COA8: variants seen among roughly 807,000 people sequenced by gnomAD.
The protein encoded by COA8 is UPF0671 protein C14orf153.
COA8 carries 20 observed loss-of-function variants against 22.0 expected under a neutral mutation model. The ratio of observed to expected loss-of-function variants is 0.91; its 90% CI spans 0.64 to 1.32. The LOEUF (loss-of-function observed/expected upper bound fraction) is 1.32, where lower values mean the gene tolerates loss of function less well. Ranked by LOEUF, COA8 falls within the 40% of genes most tolerant of loss-of-function variation. The pLI is 0.00. For synonymous variants in COA8, 105 were observed against 79.9 expected (o/e 1.31, Z -1.68); for missense variants, 266 against 230.0 (o/e 1.16, Z -1.01).
rs369868322 is a variant in COA8 at position 103,572,662 on chromosome 14, G to A, written c.321+842G>A. Among the ~76,000 whole-genome samples, 38 of 152,032 alleles carry A rather than the reference G, an allele frequency of 2.5e-4. No homozygotes were observed. The East Asian group carries it at 4.6e-3, about 19-fold the overall frequency. The stretch of plus-strand genomic sequence containing the variant: ...CAAGAATTGCTTGAACCCAGGAGGC[G>A]GAGGTTGCAATGAGCCGAGAGCGCG... On this transcript the variant is annotated intron_variant, in intron 2 of 4. Coordinates refer to ENST00000409074, the MANE Select transcript of COA8 (RefSeq NM_001370595.2).
At chr14:103,573,548 T>TTTG (rs1566980350) in intron 2 of COA8, among the ~76,000 whole-genome samples, 1 of 151,882 alleles carries the variant, frequency 6.6e-6, no homozygotes, top group Admixed American at 6.6e-5. Flanking sequence ...GAGGGTTTTT[T>TTTG]TTGTTGTTGT....
chr14:103,569,767 G>A (rs993201980), intron 1 of COA8, among the ~76,000 whole-genome samples: 2 of 152,218 alleles, frequency 1.3e-5, no homozygotes, highest in East Asian at 1.9e-4. Flanking sequence ...TGGGGGAGAA[G>A]CCCATGAACA....
intron 3 of COA8, among the ~76,000 whole-genome samples, chr14:103,580,225 T>C (rs2142295691): frequency 6.6e-6 from 1 of 151,990 alleles, no homozygotes. Context: ...TACAGGCACA[T>C]GCCACCATGC....
intron 2 of COA8, 56 bp from the exon 3 acceptor site, chr14:103,574,051 A>C (rs1229348341): frequency 6.6e-7 from 1 of 1,514,428 alleles, no homozygotes; most frequent in East Asian, 2.4e-5. Context: ...AGAAAAATGG[A>C]AAGACAGAGA....
Position 103,563,155 on chromosome 14 carries a change from G to C in COA8, c.123+31G>C, listed in dbSNP as rs1346406962. The stretch of plus-strand genomic sequence containing the variant: ...CAGGGGCCTGGGGACATTGGGCCGG[G>C]AGGGGTGACCGGAAGGGAAGACAAA... On this transcript the variant is annotated intron_variant, in intron 1 of 4. Transcript: ENST00000409074. 16 of 1,539,772 alleles carry C rather than the reference G, an allele frequency of 1.0e-5. No homozygotes were observed. In the Admixed American group the frequency reaches 2.9e-4, roughly 28 times the overall value.
chr14:103,571,580 A>C, intron 1 of COA8, 43 bp from the exon 2 acceptor site: 1 of 1,484,222 alleles, frequency 6.7e-7, no homozygotes, highest in Non-Finnish European at 9.4e-7. Context: ...ATAATACTAG[A>C]GATTCATTTT....
intron 1 of COA8, among the ~76,000 whole-genome samples, chr14:103,570,060 T>G (rs1864593972): frequency 6.6e-6 from 1 of 152,158 alleles, no homozygotes; most frequent in Non-Finnish European, 1.5e-5. Context: ...TTTCACCATG[T>G]TGGTCAGGCT....
chr14:103,579,328 C>A, intron 3 of COA8: 1 of 208,412 alleles, frequency 4.8e-6, no homozygotes. Flanking sequence ...AACATATAAA[C>A]AATAAAATAT....
chr14:103,589,467 TC>T (rs2076334305), intron 4 of COA8, among the ~76,000 whole-genome samples: 1 of 152,128 alleles, frequency 6.6e-6, no homozygotes, highest in Non-Finnish European at 1.5e-5. Flanking sequence ...CCAAGGGCTC[TC>T]TTGGATCTTT....
chr14:103,578,060 A>C (rs1231172373), intron 3 of COA8, among the ~76,000 whole-genome samples: 1 of 145,044 alleles, frequency 6.9e-6, no homozygotes, highest in Non-Finnish European at 1.5e-5. Flanking sequence ...CAAGTTTGGC[A>C]GTATGTGTCT....
chr14:103,577,024 C>G (rs985417693), intron 3 of COA8, among the ~76,000 whole-genome samples: 6 of 152,150 alleles, frequency 3.9e-5, no homozygotes, highest in Non-Finnish European at 8.8e-5. Flanking sequence ...AGACAAATAA[C>G]GTGACTACAA....
At position 103,581,836 on chromosome 14, in the gene COA8, T is replaced by C. The variant is rs2076269427; in HGVS notation, c.386-5438T>C. ...GCTCCTGTCCTGTCTGCCGTGTGGC[T>C]AGGGGACAGCCGTGCTTGTGCTGTG... is the stretch of plus-strand genomic sequence containing the variant. On this transcript the variant is annotated intron_variant, in intron 3 of 4. Transcript: ENST00000409074. The surrounding 1 kb of genome is among the most constrained non-coding windows in gnomAD (Gnocchi z 4.1). Among the ~76,000 whole-genome samples, 1 of 152,130 alleles carries C rather than the reference T, an allele frequency of 6.6e-6. No homozygotes were observed. The highest frequency in any genetic ancestry group is 2.4e-5 in the African/African-American group (1 of 41,436).
At chr14:103,563,406 C>T (rs1438601732) in intron 1 of COA8, 1 of 577,808 alleles carries the variant, frequency 1.7e-6, no homozygotes, top group African/African-American at 1.9e-5. Context: ...CTTATTTGTT[C>T]CCGAGAATGA....
intron 3 of COA8, 194 bp downstream of exon 3, chr14:103,574,364 C>T (rs750543406): frequency 6.5e-6 from 5 of 763,864 alleles, no homozygotes; most frequent in Non-Finnish European, 1.1e-5. Context: ...CCAATCTCAG[C>T]TCCCTCCTTT....
At chr14:103,575,145 T>TGC (rs951397893) in intron 3 of COA8, among the ~76,000 whole-genome samples, 4 of 152,236 alleles carry the variant, frequency 2.6e-5, no homozygotes, top group Non-Finnish European at 4.4e-5. Context: ...CGCATGTGTG[T>TGC]GCGTACGTGC....
At chr14:103,575,438 G>C (rs975247223) in intron 3 of COA8, among the ~76,000 whole-genome samples, 1 of 152,206 alleles carries the variant, frequency 6.6e-6, no homozygotes, top group Non-Finnish European at 1.5e-5. Flanking sequence ...GGAGCTGCCT[G>C]CTCTGGCAGC....
chr14:103,587,063 C>G (rs2076313180), intron 3 of COA8, among the ~76,000 whole-genome samples: 2 of 152,112 alleles, frequency 1.3e-5, no homozygotes, highest in Admixed American at 1.3e-4. Context: ...ATTCCTAAGT[C>G]TTTTATTATT....
chr14:103,576,295 G>T (rs1416362808), intron 3 of COA8, among the ~76,000 whole-genome samples: 1 of 151,906 alleles, frequency 6.6e-6, no homozygotes, highest in Non-Finnish European at 1.5e-5. Flanking sequence ...GACAGAGCGA[G>T]ACTCTGTCTC....
intron 4 of COA8, chr14:103,588,013 G>A (rs1299423274): frequency 4.1e-6 from 1 of 246,054 alleles, no homozygotes; most frequent in Non-Finnish European, 7.7e-6. Context: ...CTGCTCCGGA[G>A]GCTCAGTCAG....
Sources: allele counts gnomAD v4.1 joint callset (sites outside exome capture counted in the v4.1 genomes callset), GRCh38; gene constraint gnomAD v4.1.1; non-coding constraint Gnocchi (gnomAD v3.1); transcripts MANE v1.5; gene names NCBI Gene and HGNC (gene_info 2026-07-23, HGNC 2026-07-21).